DPF3: variants seen among roughly 807,000 people sequenced by gnomAD.
DPF3 encodes zinc finger protein DPF3.
In DPF3, 18 loss-of-function variants were observed where a neutral mutation model predicts 56.8. The ratio of observed to expected loss-of-function variants is 0.32; its 90% CI spans 0.22 to 0.47. DPF3 has a LOEUF of 0.47. Ranked by LOEUF, DPF3 falls within the 20% of genes least tolerant of loss-of-function variation. The pLI is 1.00. For missense variants in DPF3, 403 were observed against 488.8 expected (o/e 0.82, Z 1.65); for synonymous variants, 188 against 180.2 (o/e 1.04, Z -0.35).
intron 7 of DPF3, among the ~76,000 whole-genome samples, chr14:72,681,534 G>A (rs905384204): frequency 6.6e-5 from 10 of 152,180 alleles, no homozygotes; most frequent in Admixed American, 6.5e-4. Flanking sequence ...TTTGGTGACT[G>A]TAGAAATAAT....
At chr14:72,682,118 G>T (rs1887189395) in intron 7 of DPF3, among the ~76,000 whole-genome samples, 1 of 151,592 alleles carries the variant, frequency 6.6e-6, no homozygotes, top group African/African-American at 2.4e-5. Flanking sequence ...GGAGGCTGAG[G>T]AAGGAGAATC....
intron 7 of DPF3, among the ~76,000 whole-genome samples, chr14:72,681,055 G>A (rs1336055998): frequency 2.0e-5 from 3 of 152,212 alleles, no homozygotes. Context: ...AGTAACACCT[G>A]AGGGCAGGAA....
At chr14:72,636,338 T>C (rs1885383536) in intron 8 of DPF3, among the ~76,000 whole-genome samples, 2 of 152,248 alleles carry the variant, frequency 1.3e-5, no homozygotes, top group South Asian at 4.1e-4. Flanking sequence ...TGAATCATCA[T>C]GCTACAGGGT....
At chr14:72,819,316 C>A (rs1353802345) in intron 1 of DPF3, among the ~76,000 whole-genome samples, 1 of 152,100 alleles carries the variant, frequency 6.6e-6, no homozygotes, top group Non-Finnish European at 1.5e-5. Context: ...CATGCATTTA[C>A]CATATGATTG....
chr14:72,685,255 C>T (rs563516484), intron 7 of DPF3, among the ~76,000 whole-genome samples: 2 of 152,296 alleles, frequency 1.3e-5, no homozygotes, highest in South Asian at 2.1e-4. Flanking sequence ...GGGACTAGGG[C>T]CCATCACTCA....
At chr14:72,725,707 C>T (rs940626185) in intron 4 of DPF3, among the ~76,000 whole-genome samples, 1 of 152,046 alleles carries the variant, frequency 6.6e-6, no homozygotes, top group Admixed American at 6.5e-5. Context: ...GTCTGATAAC[C>T]ATCGCTGTTT....
chr14:72,834,267 C>T (rs543558463), intron 1 of DPF3, among the ~76,000 whole-genome samples: 12 of 152,132 alleles, frequency 7.9e-5, no homozygotes, highest in Non-Finnish European at 1.2e-4. Flanking sequence ...GAGGCCAAGG[C>T]GGGTGGATTA....
chr14:72,792,642 C>A (rs1396459969), intron 1 of DPF3, among the ~76,000 whole-genome samples: 1 of 152,000 alleles, frequency 6.6e-6, no homozygotes, highest in African/African-American at 2.4e-5. Flanking sequence ...CCCAGGGTAA[C>A]AAAGTACTCC....
At chr14:72,801,821 A>G (rs1892904312) in intron 1 of DPF3, among the ~76,000 whole-genome samples, 1 of 152,182 alleles carries the variant, frequency 6.6e-6, no homozygotes, top group Non-Finnish European at 1.5e-5. Context: ...CTTTCATCTC[A>G]TGTCTCTTAC....
At chr14:72,812,610 A>G (rs1198008705) in intron 1 of DPF3, among the ~76,000 whole-genome samples, 1 of 152,026 alleles carries the variant, frequency 6.6e-6, no homozygotes, top group Non-Finnish European at 1.5e-5. Flanking sequence ...CGGAGCGGAG[A>G]GTACGGAGAG....
chr14:72,881,529 T>G (rs1237815309), intron 1 of DPF3, among the ~76,000 whole-genome samples: 1 of 152,022 alleles, frequency 6.6e-6, no homozygotes, highest in Non-Finnish European at 1.5e-5. Flanking sequence ...CCTTGAAAGG[T>G]CTTGGGGGTA....
chr14:72,850,370 C>G (rs1434257412), intron 1 of DPF3, among the ~76,000 whole-genome samples: 1 of 152,134 alleles, frequency 6.6e-6, no homozygotes, highest in Non-Finnish European at 1.5e-5. Context: ...GCCTGACTAG[C>G]CCCCAGAGGC....
intron 7 of DPF3, among the ~76,000 whole-genome samples, chr14:72,678,530 C>G (rs979740097): frequency 6.6e-6 from 1 of 152,214 alleles, no homozygotes; most frequent in African/African-American, 2.4e-5. Flanking sequence ...AAGCTCACAT[C>G]ATGGCTAGGT....
chr14:72,713,789 C>T (rs577228896), intron 6 of DPF3, among the ~76,000 whole-genome samples: 46 of 152,306 alleles, frequency 3.0e-4, no homozygotes, highest in African/African-American at 5.8e-4. Context: ...TGGCTCCCTG[C>T]GACTCCCCTC....
At chr14:72,776,208 G>A (rs1370945061) in intron 1 of DPF3, among the ~76,000 whole-genome samples, 1 of 152,106 alleles carries the variant, frequency 6.6e-6, no homozygotes, top group Non-Finnish European at 1.5e-5. Context: ...TGATGTCTTA[G>A]GCTAGAGGAA....
At chr14:72,767,777 AAAC>A (rs1347458675) in intron 2 of DPF3, among the ~76,000 whole-genome samples, 18 of 146,430 alleles carry the variant, frequency 1.2e-4, no homozygotes, top group African/African-American at 4.2e-4. Flanking sequence ...AAAAAAAAAA[AAAC>A]CCCATAAACC....
At chr14:72,693,479 CA>C (rs1887786876) in intron 6 of DPF3, among the ~76,000 whole-genome samples, 1 of 152,170 alleles carries the variant, frequency 6.6e-6, no homozygotes, top group Non-Finnish European at 1.5e-5. Context: ...CTGTGAGACC[CA>C]GGGCAAGTCA....
intron 3 of DPF3, among the ~76,000 whole-genome samples, chr14:72,745,614 A>T (rs1379220098): frequency 6.6e-6 from 1 of 152,148 alleles, no homozygotes; most frequent in Admixed American, 6.5e-5. Flanking sequence ...ATTCCGTTGC[A>T]ATGTGTAAAA....
intron 1 of DPF3, among the ~76,000 whole-genome samples, chr14:72,890,450 T>C (rs1366647562): frequency 1.3e-5 from 2 of 151,456 alleles, no homozygotes; most frequent in African/African-American, 4.9e-5. Context: ...AAGATCCTGC[T>C]GCTGCACTCC....
Sources: gnomAD v4.1 joint callset for allele counts (sites outside exome capture counted in the v4.1 genomes callset) on GRCh38, gnomAD v4.1.1 for gene constraint, MANE v1.5 for transcripts, NCBI Gene and HGNC (gene_info 2026-07-23, HGNC 2026-07-21) for gene names.